BIRC6: variants seen among roughly 807,000 people sequenced by gnomAD.
The protein encoded by BIRC6 is baculoviral IAP repeat containing 6, also known as dual E2 ubiquitin-conjugating enzyme/E3 ubiquitin-protein ligase BIRC6.
A neutral mutation model predicts 503.3 loss-of-function variants in BIRC6; 98 were observed. That is an observed-to-expected ratio of 0.19 (90% CI 0.17 to 0.23). The LOEUF (loss-of-function observed/expected upper bound fraction) is 0.23, where lower values mean the gene tolerates loss of function less well. BIRC6 is among the 10% of genes least tolerant of loss of function. The pLI is 1.00. For synonymous variants in BIRC6, 2,240 were observed against 2,078.7 expected (o/e 1.08, Z -2.11); for missense variants, 5,360 against 5,806.0 (o/e 0.92, Z 2.50).
At chr2:32,502,585 G>T (rs559964468) in intron 47 of BIRC6, among the ~76,000 whole-genome samples, 1 of 152,244 alleles carries the variant, frequency 6.6e-6, no homozygotes, top group South Asian at 2.1e-4. Context: ...AATGGATGAA[G>T]ACACATGCTT....
rs182301911 is a variant in BIRC6 at position 32,386,537 on chromosome 2, G to T, written c.646-2213G>T. ...TGGCTTACTGTAGCCTTGCCGTCCT[G>T]GGCTCAAGTGATTTTCCCACCTCAA... On this transcript the variant is annotated intron_variant, in intron 3 of 73. Transcript: ENST00000421745. Among the ~76,000 whole-genome samples, 33 of 151,580 alleles carry T rather than the reference G, an allele frequency of 2.2e-4. No individual in the cohort carries two copies. The East Asian group carries it at 6.0e-3, about 28-fold the overall frequency.
At chr2:32,422,317 G>A (rs189150810) in intron 10 of BIRC6, among the ~76,000 whole-genome samples, 7 of 152,048 alleles carry the variant, frequency 4.6e-5, no homozygotes, top group Non-Finnish European at 7.4e-5. Flanking sequence ...GCCATTTTGA[G>A]TTTTTAAAAT....
chr2:32,564,524 A>G (rs572887839), intron 65 of BIRC6: 1 of 152,276 alleles, frequency 6.6e-6, no homozygotes, highest in African/African-American at 2.4e-5. Flanking sequence ...TGACTTTTAA[A>G]ATTACAATAA....
chr2:32,455,053 A>T (rs1245938725), intron 23 of BIRC6, among the ~76,000 whole-genome samples: 1 of 152,172 alleles, frequency 6.6e-6, no homozygotes, highest in African/African-American at 2.4e-5. Flanking sequence ...ATTTTATTAT[A>T]AATCAGGACC....
intron 50 of BIRC6, among the ~76,000 whole-genome samples, chr2:32,505,512 C>G (rs1440912041): frequency 6.6e-6 from 1 of 152,192 alleles, no homozygotes; most frequent in Non-Finnish European, 1.5e-5. Context: ...TCACTACACA[C>G]CCATTTTTTA....
At chr2:32,394,705 A>C (rs953387690) in intron 5 of BIRC6, among the ~76,000 whole-genome samples, 8 of 152,046 alleles carry the variant, frequency 5.3e-5, no homozygotes, top group African/African-American at 1.9e-4. Context: ...GTCATGAAAC[A>C]CTTCTGTAGT....
chr2:32,454,266 TCTA>T (rs2047005123), intron 23 of BIRC6, among the ~76,000 whole-genome samples: 1 of 152,178 alleles, frequency 6.6e-6, no homozygotes, highest in African/African-American at 2.4e-5. Flanking sequence ...ACTACGTGTT[TCTA>T]CTACTGAATG....
intron 60 of BIRC6, among the ~76,000 whole-genome samples, chr2:32,530,500 G>T (rs897172608): frequency 1.1e-4 from 17 of 152,084 alleles, no homozygotes; most frequent in Admixed American, 4.6e-4. Flanking sequence ...ATGAGCCACC[G>T]CACCCGGCCC....
Position 32,443,475 on chromosome 2 carries a change from T to C in BIRC6, c.4239-16T>C, listed in dbSNP as rs1463856548. On this transcript the variant is annotated splice_polypyrimidine_tract_variant and intron_variant, in intron 19 of 73. Transcript: ENST00000421745. The stretch of plus-strand genomic sequence containing the variant: ...GAGTAATGTCTTTACAATTTTTCTT[T>C]TTAAAAATTTTTCAGTAATGGCAAA... The C allele has an allele frequency of 1.9e-6, 3 of 1,569,336 alleles. No individual in the cohort carries two copies. Among genetic ancestry groups the C allele is most frequent in the Non-Finnish European group, 2.6e-6 (3 of 1,156,686 alleles).
At position 32,569,359 on chromosome 2, in the gene BIRC6, T is replaced by G. The variant is rs181144999; in HGVS notation, c.13145-5797T>G. Among the ~76,000 whole-genome samples the G allele has an allele frequency of 2.1e-3, 323 of 152,208 alleles. 2 individuals carry two copies. The highest frequency in any genetic ancestry group is 7.4e-3 in the African/African-American group (309 of 41,542). On this transcript the variant is annotated intron_variant, in intron 65 of 73. Transcript: ENST00000421745. ...TTCCTAGGTATTTTGTTTTAGATTT[T>G]ATTATTTTATCTTATTTTTAATTTT...
intron 39 of BIRC6, among the ~76,000 whole-genome samples, chr2:32,484,812 A>C (rs2050814748): frequency 6.6e-6 from 1 of 152,166 alleles, no homozygotes; most frequent in Non-Finnish European, 1.5e-5. Flanking sequence ...CTGAGATTAC[A>C]GCATGCTGTA....
At chr2:32,522,644 A>ACCC (rs2055848431) in intron 57 of BIRC6, 1 of 152,096 alleles carries the variant, frequency 6.6e-6, no homozygotes, top group African/African-American at 2.4e-5. Context: ...ATCCCATTTG[A>ACCC]CCCCACTATT....
At chr2:32,541,693 G>T (rs1193689087) in intron 61 of BIRC6, among the ~76,000 whole-genome samples, 1 of 152,096 alleles carries the variant, frequency 6.6e-6, no homozygotes, top group Non-Finnish European at 1.5e-5. Context: ...ATTATTCATG[G>T]TCAAGCAAGA....
intron 65 of BIRC6, among the ~76,000 whole-genome samples, chr2:32,561,230 C>CTT (rs375705759): frequency 4.3e-5 from 6 of 139,970 alleles, no homozygotes; most frequent in Non-Finnish European, 7.8e-5. Flanking sequence ...AAGTAACATA[C>CTT]TTTTTTTTTT....
intron 10 of BIRC6, among the ~76,000 whole-genome samples, chr2:32,421,076 T>C (rs1338180706): frequency 6.6e-6 from 1 of 151,476 alleles, no homozygotes; most frequent in African/African-American, 2.4e-5. Context: ...GGGTTTATTT[T>C]GCTCTTCTCT....
chr2:32,604,195 T>C (rs187478979), intron 71 of BIRC6, among the ~76,000 whole-genome samples: 99 of 152,326 alleles, frequency 6.5e-4, no homozygotes, highest in East Asian at 2.7e-3. Context: ...GATGAAAATA[T>C]AGGTTCTAAA....
chr2:32,435,460 C>T (rs1466623682), intron 13 of BIRC6, 36 bp from the exon 14 acceptor site: 4 of 1,522,506 alleles, frequency 2.6e-6, no homozygotes, highest in Middle Eastern at 1.7e-4. Context: ...CTAGAAACAG[C>T]AGTAGATAGG....
intron 57 of BIRC6, 171 bp downstream of exon 57, chr2:32,519,117 T>C: frequency 1.6e-6 from 1 of 641,956 alleles, no homozygotes; most frequent in Non-Finnish European, 2.5e-6. Flanking sequence ...GTGGACAAAA[T>C]GTAAAATACT....
At chr2:32,587,791 T>C (rs1410096284) in intron 66 of BIRC6, among the ~76,000 whole-genome samples, 2 of 152,230 alleles carry the variant, frequency 1.3e-5, no homozygotes, top group African/African-American at 4.8e-5. Flanking sequence ...ATAATGTGCA[T>C]TTTACAGAAT....
Sources: gnomAD v4.1 joint callset for allele counts (sites outside exome capture counted in the v4.1 genomes callset) on GRCh38, gnomAD v4.1.1 for gene constraint, MANE v1.5 for transcripts, NCBI Gene and HGNC (gene_info 2026-07-23, HGNC 2026-07-21) for gene names.